SPATA16: variants seen among roughly 807,000 people sequenced by gnomAD.
SPATA16 encodes spermatogenesis associated 16, also known as spermatogenesis-associated protein 16.
A neutral mutation model predicts 63.3 loss-of-function variants in SPATA16; 36 were observed. The ratio of observed to expected loss-of-function variants is 0.57; its 90% CI spans 0.44 to 0.75. SPATA16 has a LOEUF of 0.75. Ranked by LOEUF, SPATA16 falls within the 30% of genes least tolerant of loss-of-function variation. The pLI, the probability that SPATA16 is intolerant of heterozygous loss-of-function variation, is 0.00. For synonymous variants in SPATA16, 203 were observed against 216.7 expected, an observed-to-expected ratio of 0.94 and a Z score of 0.56; for missense variants, 646 against 679.3, an observed-to-expected ratio of 0.95 and a Z score of 0.54.
At chr3:172,985,204 A>G (rs1734418412) in intron 4 of SPATA16, among the ~76,000 whole-genome samples, 1 of 152,196 alleles carries the variant, frequency 6.6e-6, no homozygotes, top group African/African-American at 2.4e-5. Flanking sequence ...TATTAATATG[A>G]CATGGTCAAT....
intron 4 of SPATA16, among the ~76,000 whole-genome samples, chr3:173,000,762 T>C (rs1734802400): frequency 6.6e-6 from 1 of 152,048 alleles, no homozygotes; most frequent in South Asian, 2.1e-4. Flanking sequence ...TGGAAGTTTT[T>C]ATTGTCATAT....
chr3:172,903,157 A>G (rs1173904178), intron 10 of SPATA16, among the ~76,000 whole-genome samples: 1 of 152,232 alleles, frequency 6.6e-6, no homozygotes, highest in African/African-American at 2.4e-5. Flanking sequence ...ACAGGCAATA[A>G]AATGCTGGAC....
At chr3:173,087,113 T>C (rs1577167407) in intron 2 of SPATA16, among the ~76,000 whole-genome samples, 1 of 152,126 alleles carries the variant, frequency 6.6e-6, no homozygotes, top group Non-Finnish European at 1.5e-5. Context: ...GATCTAATAT[T>C]GACAGTGGGG....
At chr3:173,093,076 C>CATAT (rs1553802178) in intron 2 of SPATA16, among the ~76,000 whole-genome samples, 3 of 143,978 alleles carry the variant, frequency 2.1e-5, no homozygotes, top group African/African-American at 5.2e-5. Context: ...CACACACACA[C>CATAT]ATATATATAT....
chr3:172,901,035 G>T lies in SPATA16; in HGVS notation c.1588-11343C>A, dbSNP rs546359481. Among the ~76,000 whole-genome samples, 767 of 151,458 alleles carry T rather than the reference G, an allele frequency of 5.1e-3. 4 individuals are homozygous for T. The highest frequency in any genetic ancestry group is 8.2e-3 in the Non-Finnish European group (559 of 67,794). ...GTTGAGTCCATCCAATAAATTTTTTGTTATAGTTATTTTATTTTTTCAGTT... is the reference window on the plus strand; with the variant it reads ...GTTGAGTCCATCCAATAAATTTTTTTTTATAGTTATTTTATTTTTTCAGTT... On this transcript the variant is annotated intron_variant, in intron 10 of 10. Coordinates refer to ENST00000351008, the MANE Select transcript of SPATA16 (RefSeq NM_031955.6).
At chr3:172,998,548 T>A (rs1332293277) in intron 4 of SPATA16, among the ~76,000 whole-genome samples, 1 of 152,190 alleles carries the variant, frequency 6.6e-6, no homozygotes, top group Non-Finnish European at 1.5e-5. Context: ...TCTTGTCTTA[T>A]TGTATTAGCT....
intron 10 of SPATA16, among the ~76,000 whole-genome samples, chr3:172,896,381 T>C (rs1289840056): frequency 2.0e-5 from 3 of 152,114 alleles, no homozygotes; most frequent in Non-Finnish European, 4.4e-5. Flanking sequence ...CCACCACGCC[T>C]GGCTAATTTT....
chr3:173,007,576 G>T (rs1326846000), intron 4 of SPATA16, among the ~76,000 whole-genome samples: 1 of 152,154 alleles, frequency 6.6e-6, no homozygotes, highest in Non-Finnish European at 1.5e-5. Flanking sequence ...TCCAGTGTCA[G>T]TTAGTGCATT....
intron 1 of SPATA16, among the ~76,000 whole-genome samples, chr3:173,139,484 C>CAAT (rs1738640763): frequency 6.6e-6 from 1 of 152,178 alleles, no homozygotes; most frequent in African/African-American, 2.4e-5. Context: ...AGTTGAAAGA[C>CAAT]AATACTCCAG....
chr3:172,932,184 C>T (rs946695015), intron 6 of SPATA16, among the ~76,000 whole-genome samples: 4 of 152,184 alleles, frequency 2.6e-5, no homozygotes, highest in African/African-American at 9.6e-5. Flanking sequence ...TTGGACACCT[C>T]ATCATAACCA....
intron 8 of SPATA16, among the ~76,000 whole-genome samples, chr3:172,919,491 G>C (rs192900713): frequency 6.6e-6 from 1 of 152,170 alleles, no homozygotes; most frequent in East Asian, 1.9e-4. Context: ...AGGAAACCAG[G>C]GTCAGAAGTG....
chr3:172,931,165 C>T (rs904720875), intron 6 of SPATA16, among the ~76,000 whole-genome samples: 1 of 152,184 alleles, frequency 6.6e-6, no homozygotes, highest in African/African-American at 2.4e-5. Flanking sequence ...CAGAGTGAAT[C>T]TCCTGTTTCA....
At chr3:173,103,315 G>A (rs1201586365) in intron 2 of SPATA16, among the ~76,000 whole-genome samples, 2 of 152,182 alleles carry the variant, frequency 1.3e-5, no homozygotes, top group Non-Finnish European at 2.9e-5. Context: ...TCTGTGTGGG[G>A]GGTCCAACCC....
At chr3:173,137,846 C>T (rs1738590713) in intron 1 of SPATA16, among the ~76,000 whole-genome samples, 2 of 150,612 alleles carry the variant, frequency 1.3e-5, no homozygotes, top group Non-Finnish European at 1.5e-5. Context: ...CACACACACA[C>T]ACACACACAC....
intron 2 of SPATA16, among the ~76,000 whole-genome samples, chr3:173,068,551 A>G (rs1054339353): frequency 1.3e-5 from 2 of 152,166 alleles, no homozygotes; most frequent in African/African-American, 2.4e-5. Context: ...GACAAACAAT[A>G]CAAACAAATG....
At chr3:173,069,959 A>G (rs1347196700) in intron 2 of SPATA16, among the ~76,000 whole-genome samples, 2 of 95,430 alleles carry the variant, frequency 2.1e-5, no homozygotes, top group South Asian at 4.2e-4. Context: ...AAAAAGACGA[A>G]AAAAAAAAAC....
chr3:173,041,555 C>G (rs1168432453), intron 3 of SPATA16, among the ~76,000 whole-genome samples: 1 of 152,002 alleles, frequency 6.6e-6, no homozygotes, highest in Non-Finnish European at 1.5e-5. Flanking sequence ...CTTTTGTGTT[C>G]CCAATTATTA....
intron 2 of SPATA16, among the ~76,000 whole-genome samples, chr3:173,077,438 A>C (rs1487788144): frequency 6.6e-6 from 1 of 152,244 alleles, no homozygotes; most frequent in African/African-American, 2.4e-5. Context: ...TTATGGATTT[A>C]TGCAGAGAAA....
chr3:173,059,307 G>C lies in SPATA16; in HGVS notation c.613-10213C>G, dbSNP rs559727722. On this transcript the variant is annotated intron_variant, in intron 2 of 10. Coordinates refer to ENST00000351008, the MANE Select transcript of SPATA16 (RefSeq NM_031955.6). ...TTTCTTTCCTCTTTTGATTTCCTTA[G>C]GTTTTTGTTTTCTTAGTTCTTTTAC... Among the ~76,000 whole-genome samples, 19 of 147,408 alleles carry C rather than the reference G, an allele frequency of 1.3e-4. 1 individual carries two copies. In the South Asian group the frequency reaches 4.1e-3, roughly 32 times the overall value.
Sources: gnomAD v4.1 joint callset for allele counts (sites outside exome capture counted in the v4.1 genomes callset) on GRCh38, gnomAD v4.1.1 for gene constraint, MANE v1.5 for transcripts, NCBI Gene and HGNC (gene_info 2026-07-23, HGNC 2026-07-21) for gene names.